The following HBG2 variants were observed in gnomAD, a reference collection of about 807,000 sequenced individuals.
HBG2 encodes hemoglobin subunit gamma-2.
For missense variants in HBG2, 59 were observed against 155.7 expected (o/e 0.38, Z 3.31); for synonymous variants, 25 against 63.2 (o/e 0.40, Z 2.87).
chr11:5,253,391 C>A lies in HBG2; in HGVS notation c.330G>T (p.Val110=), dbSNP rs1443886555. The change falls in exon 3 of 3, where the codon GTG becomes GTT. Residue 110 remains valine, a synonymous_variant. Transcript: ENST00000336906. ...AATGGATTGCCAAAACGGTCACCAG[C>A]ACATTTCCCAGGAGCTGTTGAGATG... is the stretch of plus-strand genomic sequence containing the variant. ...DPENFKLLGN[V]LVTVLAIHFG... 1 of 1,612,980 alleles carries A rather than the reference C, an allele frequency of 6.2e-7. No homozygotes were observed. Among genetic ancestry groups the A allele is most frequent in the East Asian group, 2.2e-5 (1 of 44,820 alleles).
chr11:5,253,205 G>T lies in HBG2; in HGVS notation c.*72C>A. 1.3e-6 allele frequency: 2 copies of T among 1,590,460 alleles called. No individual in the cohort carries two copies. The highest frequency in any genetic ancestry group is 1.1e-5 in the South Asian group (1 of 90,274). ...GACAACCATGTGTGATCTCTTAGCA[G>T]AATAGATTTATTATTTGATTGCTTG... On this transcript the variant is annotated 3_prime_UTR_variant, in exon 3 of 3. Coordinates refer to ENST00000336906, the MANE Select transcript of HBG2 (RefSeq NM_000184.3).
Position 5,253,247 on chromosome 11 carries a change from C to T in HBG2, c.*30G>A, listed in dbSNP as rs375177537. 12 of 1,613,782 alleles carry T rather than the reference C, an allele frequency of 7.4e-6. No homozygotes were observed. Among genetic ancestry groups the T allele is most frequent in the African/African-American group, 1.3e-5 (1 of 75,024 alleles). On this transcript the variant is annotated 3_prime_UTR_variant, in exon 3 of 3. Coordinates refer to ENST00000336906, the MANE Select transcript of HBG2 (RefSeq NM_000184.3). ...GATTGCTTGCAGAATAAAGCCTATC[C>T]TTGAAAGCTCTGCATCATGGGCAGT...
rs1391148705 is a variant in HBG2, at chr11:5,254,149, C to A, written c.315+143G>T. ...CTAAAACATTGCCACTGGGTCTCAG[C>A]CCAGTTAGTCCTCTGCAGTTTCTTC... On this transcript the variant is annotated intron_variant, in intron 2 of 2. Coordinates refer to ENST00000336906, the MANE Select transcript of HBG2 (RefSeq NM_000184.3). The A allele has an allele frequency of 2.1e-5, 22 of 1,033,732 alleles. 1 individual carries two copies. In the East Asian group the frequency reaches 5.8e-4, roughly 27 times the overall value. The allele number at this position is 1,033,732 out of a possible 1,614,324, so 64.0% of individuals were successfully genotyped here. A position where few individuals can be genotyped will look rare whatever the true frequency, so the allele number is the denominator to read the frequency against.
intron 2 of HBG2, among the ~76,000 whole-genome samples, chr11:5,253,696 G>GCA (rs1456006404): frequency 5.3e-5 from 3 of 56,376 alleles, no homozygotes; most frequent in African/African-American, 5.6e-5. Context: ...AAACACACGC[G>GCA]CGCACACACA....
intron 2 of HBG2, among the ~76,000 whole-genome samples, chr11:5,253,959 G>T (rs1281403141): frequency 6.6e-6 from 1 of 151,890 alleles, no homozygotes; most frequent in Non-Finnish European, 1.5e-5. Flanking sequence ...GACCATACTT[G>T]TCCTGCCTCC....
Position 5,254,185 on chromosome 11 carries a change from C to G in HBG2, c.315+107G>C. On this transcript the variant is annotated intron_variant, in intron 2 of 2. Coordinates refer to ENST00000336906, the MANE Select transcript of HBG2 (RefSeq NM_000184.3). Reference sequence around the variant, plus strand: ...CTCTGCAGTTTCTTCACTCCCAACCCCAGTATCTTCAAACAGCTCACACCC... The same window carrying G: ...CTCTGCAGTTTCTTCACTCCCAACCGCAGTATCTTCAAACAGCTCACACCC... 3 of 1,352,588 alleles carry G rather than the reference C, an allele frequency of 2.2e-6. No homozygotes were observed. The South Asian group carries it at 3.6e-5, about 16-fold the overall frequency. The allele number at this position is 1,352,588 out of a possible 1,614,324, so 83.8% of individuals were successfully genotyped here. A position where few individuals can be genotyped will look rare whatever the true frequency, so the allele number is the denominator to read the frequency against.
In HBG2 at chr11:5,254,377, T is replaced by C. The variant is rs1411468983; in HGVS notation, c.230A>G (p.Lys77Arg). Residue 77 changes from lysine (K) to arginine (R), a missense_variant, in exon 2 of 3, where the codon AAG becomes AGG. Lys to Arg is a conservative substitution (Grantham distance 26). Coordinates refer to ENST00000336906, the MANE Select transcript of HBG2 (RefSeq NM_000184.3). Reference sequence around the variant, plus strand: ...GGTGCCCTTGAGATCATCCAGGTGCTTTATGGCATCTCCCAAGGAAGTCAG... The same window carrying C: ...GGTGCCCTTGAGATCATCCAGGTGCCTTATGGCATCTCCCAAGGAAGTCAG... ...KVLTSLGDAI[K>R]HLDDLKGTFA... is the part of the protein sequence containing the mutation. 1.9e-6 allele frequency: 3 copies of C among 1,614,316 alleles called. No homozygotes were observed. The Admixed American group carries it at 5.0e-5, about 27-fold the overall frequency.
intron 1 of HBG2, 42 bp downstream of exon 1, chr11:5,254,594 AG>A: frequency 7.2e-7 from 1 of 1,385,494 alleles, no homozygotes; most frequent in Non-Finnish European, 1.0e-6. Flanking sequence ...TGCCAGGCAC[AG>A]GGTCCTTCCT....
Position 5,254,403 on chromosome 11 carries a change from C to A in HBG2, c.204G>T (p.Val68=). The A allele has an allele frequency of 6.2e-7, 1 of 1,614,304 alleles. No homozygotes were observed. The highest frequency in any genetic ancestry group is 8.5e-7 in the Non-Finnish European group (1 of 1,180,058). Reference sequence around the variant, plus strand: ...TTATGGCATCTCCCAAGGAAGTCAGCACCTTCTTGCCATGTGCCTTGACTT... The same window carrying A: ...TTATGGCATCTCCCAAGGAAGTCAGAACCTTCTTGCCATGTGCCTTGACTT... The part of the protein sequence containing the change: ...NPKVKAHGKK[V]LTSLGDAIKH... The change falls in exon 2 of 3, where the codon GTG becomes GTT. Residue 68 remains valine (V), a synonymous_variant. Coordinates refer to ENST00000336906, the MANE Select transcript of HBG2 (RefSeq NM_000184.3).
chr11:5,254,250 C>G (rs550810440), intron 2 of HBG2, 42 bp downstream of exon 2: 1 of 1,613,078 alleles, frequency 6.2e-7, no homozygotes, highest in South Asian at 1.1e-5. Context: ...TAAGTTGCCT[C>G]GAGACTAAAG....
chr11:5,254,195 CA>C, intron 2 of HBG2, 96 bp downstream of exon 2: 1 of 1,526,034 alleles, frequency 6.6e-7, no homozygotes, highest in Non-Finnish European at 9.1e-7. Flanking sequence ...CCAGTATCTT[CA>C]AACAGCTCAC....
chr11:5,253,704 A>T (rs1329893543), intron 2 of HBG2, among the ~76,000 whole-genome samples: 8 of 151,080 alleles, frequency 5.3e-5, no homozygotes, highest in African/African-American at 1.7e-4. Context: ...GCGCGCACAC[A>T]CACACACACA....
At chr11:5,253,698 G>GCGCACACACACACA (rs141297974) in intron 2 of HBG2, among the ~76,000 whole-genome samples, 49 of 134,550 alleles carry the variant, frequency 3.6e-4, no homozygotes, top group East Asian at 1.3e-3. Context: ...ACACACGCGC[G>GCGCACACACACACA]CACACACACA....
In HBG2 at chr11:5,253,233, G is replaced by A. The variant is rs1847970443; in HGVS notation, c.*44C>T. On this transcript the variant is annotated 3_prime_UTR_variant, in exon 3 of 3. Coordinates refer to ENST00000336906, the MANE Select transcript of HBG2 (RefSeq NM_000184.3). ...TAGATTTATTATTTGATTGCTTGCA[G>A]AATAAAGCCTATCCTTGAAAGCTCT... The A allele has an allele frequency of 6.2e-7, 1 of 1,612,446 alleles. No homozygotes were observed. Among genetic ancestry groups the A allele is most frequent in the Admixed American group, 1.7e-5 (1 of 60,010 alleles).
Position 5,254,264 on chromosome 11 carries a change from A to G in HBG2, c.315+28T>C, listed in dbSNP as rs375978787. The G allele has an allele frequency of 1.7e-4, 280 of 1,614,172 alleles. No individual in the cohort carries two copies. The East Asian group carries it at 4.9e-3, about 28-fold the overall frequency. ...CTAAGTTGCCTCGAGACTAAAGGCA[A>G]CAGTGCTGAAACATCTCCTGGACTC... is the stretch of plus-strand genomic sequence containing the variant. On this transcript the variant is annotated intron_variant, in intron 2 of 2. Coordinates refer to ENST00000336906, the MANE Select transcript of HBG2 (RefSeq NM_000184.3).
At chr11:5,253,706 A>ACACACACACACACACACG (rs1172566351) in intron 2 of HBG2, among the ~76,000 whole-genome samples, 1 of 151,368 alleles carries the variant, frequency 6.6e-6, no homozygotes, top group Non-Finnish European at 1.5e-5. Context: ...GCGCACACAC[A>ACACACACACACACACACG]CACACACACA....
chr11:5,253,930 C>T (rs113799818), intron 2 of HBG2, among the ~76,000 whole-genome samples: 813 of 152,112 alleles, frequency 5.3e-3, no homozygotes, highest in African/African-American at 0.017. Context: ...TATATGCCTT[C>T]TGCCTGCATC....
At chr11:5,253,993 A>G (rs1252290148) in intron 2 of HBG2, among the ~76,000 whole-genome samples, 1 of 151,898 alleles carries the variant, frequency 6.6e-6, no homozygotes, top group Non-Finnish European at 1.5e-5. Flanking sequence ...AAAACGAATA[A>G]CAAAAATAGG....
intron 2 of HBG2, among the ~76,000 whole-genome samples, chr11:5,253,900 C>T (rs931914959): frequency 1.3e-5 from 2 of 152,034 alleles, no homozygotes; most frequent in Non-Finnish European, 2.9e-5. Flanking sequence ...CACCAAAGTT[C>T]CCCACTTTGA....
Sources: gnomAD v4.1 joint callset for allele counts (sites outside exome capture counted in the v4.1 genomes callset) on GRCh38, gnomAD v4.1.1 for gene constraint, MANE v1.5 for transcripts, NCBI Gene and HGNC (gene_info 2026-07-23, HGNC 2026-07-21) for gene names.